DRD2: variants seen among roughly 807,000 people sequenced by gnomAD.
The protein encoded by DRD2 is dopamine receptor D2, also known as D(2) dopamine receptor.
Under a neutral mutation model 38.0 loss-of-function variants are expected in DRD2, and 8 were observed. The ratio of observed to expected loss-of-function variants is 0.21; its 90% CI spans 0.12 to 0.38. The LOEUF (loss-of-function observed/expected upper bound fraction) is 0.38. Ranked by LOEUF, DRD2 falls within the 10% of genes least tolerant of loss-of-function variation. The pLI is 1.00. For synonymous variants in DRD2, 230 were observed against 238.6 expected (o/e 0.96, Z 0.33); for missense variants, 403 against 607.7 (o/e 0.66, Z 3.54).
intron 6 of DRD2, chr11:113,413,258 G>T (rs1394849559): frequency 6.8e-6 from 4 of 586,114 alleles, no homozygotes; most frequent in Non-Finnish European, 9.9e-6. Flanking sequence ...AGAAACTCAT[G>T]TTCCGACTGC....
chr11:113,417,069 C>A (rs1816902898), intron 3 of DRD2, 70 bp from the exon 4 acceptor site: 2 of 1,574,868 alleles, frequency 1.3e-6, no homozygotes, highest in Non-Finnish European at 1.7e-6. Context: ...TATGCACACA[C>A]CAGAGACACC....
intron 1 of DRD2, among the ~76,000 whole-genome samples, chr11:113,446,020 C>T (rs1458279108): frequency 6.6e-6 from 1 of 152,144 alleles, no homozygotes; most frequent in Non-Finnish European, 1.5e-5. Flanking sequence ...TGCCTGTTGT[C>T]CTGGCCCAGT....
chr11:113,451,495 T>A (rs1422742290), intron 1 of DRD2, among the ~76,000 whole-genome samples: 2 of 152,140 alleles, frequency 1.3e-5, no homozygotes, highest in Non-Finnish European at 2.9e-5. Context: ...TATTTATTAT[T>A]TATTTATTTA....
At chr11:113,441,255 T>C (rs7937704) in intron 1 of DRD2, among the ~76,000 whole-genome samples, 2,772 of 152,244 alleles carry the variant, frequency 0.018, 78 homozygotes, top group African/African-American at 0.062. Flanking sequence ...ATGTGGGAAA[T>C]GGAGGCTGGC....
intron 1 of DRD2, among the ~76,000 whole-genome samples, chr11:113,433,707 C>G (rs1267057783): frequency 6.6e-6 from 1 of 152,168 alleles, no homozygotes; most frequent in Non-Finnish European, 1.5e-5. Context: ...CACTGGTGGT[C>G]TCTGGCTGTG....
chr11:113,468,980 T>C (rs1312343756), intron 1 of DRD2, among the ~76,000 whole-genome samples: 3 of 152,212 alleles, frequency 2.0e-5, no homozygotes, highest in Non-Finnish European at 4.4e-5. Flanking sequence ...TTTCCTTCTA[T>C]GGTAATAAGA....
At chr11:113,448,129 C>A (rs1951170448) in intron 1 of DRD2, among the ~76,000 whole-genome samples, 1 of 152,194 alleles carries the variant, frequency 6.6e-6, no homozygotes, top group Non-Finnish European at 1.5e-5. Flanking sequence ...CGAGATGGAA[C>A]CACGAAACAG....
chr11:113,425,069 T>C (rs537255007), intron 1 of DRD2: 33 of 277,888 alleles, frequency 1.2e-4, no homozygotes, highest in African/African-American at 6.4e-4. Context: ...ATTCTATAAA[T>C]ATTTATTAAG....
At chr11:113,444,505 T>G (rs1382693290) in intron 1 of DRD2, among the ~76,000 whole-genome samples, 1 of 152,266 alleles carries the variant, frequency 6.6e-6, no homozygotes, top group African/African-American at 2.4e-5. Context: ...TATGAGGGCT[T>G]CTGCTGTACT....
At chr11:113,472,476 A>G (rs1184347167) in intron 1 of DRD2, among the ~76,000 whole-genome samples, 3 of 152,224 alleles carry the variant, frequency 2.0e-5, no homozygotes, top group Non-Finnish European at 2.9e-5. Context: ...AGATTCTCCT[A>G]TATCATTCTC....
intron 5 of DRD2, chr11:113,415,164 C>A: frequency 2.5e-6 from 1 of 406,650 alleles, no homozygotes; most frequent in Non-Finnish European, 4.3e-6. Flanking sequence ...TTGCCGCCTT[C>A]AGTCACAAAG....
At chr11:113,459,230 A>T (rs949265722) in intron 1 of DRD2, among the ~76,000 whole-genome samples, 1 of 152,238 alleles carries the variant, frequency 6.6e-6, no homozygotes, top group African/African-American at 2.4e-5. Context: ...AGTGGTAGAT[A>T]TTATTCACTT....
chr11:113,465,547 A>G (rs1019608496), intron 1 of DRD2, among the ~76,000 whole-genome samples: 1 of 152,084 alleles, frequency 6.6e-6, no homozygotes, highest in African/African-American at 2.4e-5. Flanking sequence ...CCTACATAAG[A>G]CTTCAAGGTT....
intron 1 of DRD2, among the ~76,000 whole-genome samples, chr11:113,460,681 C>T (rs1300058779): frequency 6.6e-6 from 1 of 152,250 alleles, no homozygotes; most frequent in Non-Finnish European, 1.5e-5. Flanking sequence ...GCCCTTTGCT[C>T]CTCTCCTCCC....
intron 1 of DRD2, among the ~76,000 whole-genome samples, chr11:113,471,490 G>A (rs1360670012): frequency 6.6e-6 from 1 of 152,280 alleles, no homozygotes; most frequent in East Asian, 1.9e-4. Flanking sequence ...AGGGAAAATG[G>A]TGCTGGGGTT....
At chr11:113,457,174 C>T (rs537089095) in intron 1 of DRD2, among the ~76,000 whole-genome samples, 35 of 152,128 alleles carry the variant, frequency 2.3e-4, no homozygotes, top group Non-Finnish European at 4.7e-4. Flanking sequence ...CTGACTGTGC[C>T]GCTTCCCTAG....
At chr11:113,440,871 C>T (rs935603461) in intron 1 of DRD2, among the ~76,000 whole-genome samples, 1 of 152,186 alleles carries the variant, frequency 6.6e-6, no homozygotes, top group Non-Finnish European at 1.5e-5. Flanking sequence ...CTTGGGGCTC[C>T]TGGGACACAG....
intron 1 of DRD2, among the ~76,000 whole-genome samples, chr11:113,432,619 A>G (rs1220055319): frequency 6.6e-6 from 1 of 152,208 alleles, no homozygotes; most frequent in Admixed American, 6.5e-5. Flanking sequence ...ATGAAAAAGT[A>G]GAGGGGGAGA....
At chr11:113,459,389 C>A (rs1334188056) in intron 1 of DRD2, among the ~76,000 whole-genome samples, 3 of 152,164 alleles carry the variant, frequency 2.0e-5, no homozygotes, top group Admixed American at 6.5e-5. Flanking sequence ...TGGTTATAGT[C>A]TGTAAGGGAC....
Sources: allele counts gnomAD v4.1 joint callset (sites outside exome capture counted in the v4.1 genomes callset), GRCh38; gene constraint gnomAD v4.1.1; transcripts MANE v1.5; gene names NCBI Gene and HGNC (gene_info 2026-07-23, HGNC 2026-07-21).